Variants in CACNA2D3 observed in about 807,000 individuals in gnomAD.
The protein encoded by CACNA2D3 is voltage-dependent calcium channel subunit alpha-2/delta-3.
A neutral mutation model predicts 160.6 loss-of-function variants in CACNA2D3; 60 were observed. That is an observed-to-expected ratio of 0.37 (90% CI 0.30 to 0.46). CACNA2D3 has a LOEUF of 0.46. Ranked by LOEUF, CACNA2D3 falls within the 20% of genes least tolerant of loss-of-function variation. The probability of loss-of-function intolerance (pLI) is 1.00; values close to 1 mark genes in which losing one functional copy is unlikely to be tolerated. For synonymous variants in CACNA2D3, 558 were observed against 492.9 expected (o/e 1.13, Z -1.75); for missense variants, 1,205 against 1,365.0 (o/e 0.88, Z 1.85).
intron 4 of CACNA2D3, among the ~76,000 whole-genome samples, chr3:54,404,976 A>G (rs1699546307): frequency 6.6e-6 from 1 of 151,122 alleles, no homozygotes; most frequent in Non-Finnish European, 1.5e-5. Flanking sequence ...TGAAGAGTAC[A>G]CTGAAAACTA....
At chr3:54,853,840 C>T (rs1699111270) in intron 17 of CACNA2D3, among the ~76,000 whole-genome samples, 1 of 152,152 alleles carries the variant, frequency 6.6e-6, no homozygotes, top group Non-Finnish European at 1.5e-5. Flanking sequence ...ATCTCAGGAC[C>T]ATGCATTCTG....
At chr3:54,969,865 T>C (rs751357479) in intron 29 of CACNA2D3, 21 bp downstream of exon 29, 2 of 1,609,814 alleles carry the variant, frequency 1.2e-6, no homozygotes, top group Non-Finnish European at 1.7e-6. Flanking sequence ...CTCCTGGTCC[T>C]GTTTCTACCC....
intron 5 of CACNA2D3, among the ~76,000 whole-genome samples, chr3:54,545,794 A>G (rs760392460): frequency 6.6e-6 from 1 of 152,186 alleles, no homozygotes; most frequent in Non-Finnish European, 1.5e-5. Context: ...TTGTGACAAT[A>G]CTGGAAACTT....
intron 13 of CACNA2D3, among the ~76,000 whole-genome samples, chr3:54,815,194 A>T (rs1409417506): frequency 6.6e-6 from 1 of 152,220 alleles, no homozygotes; most frequent in Non-Finnish European, 1.5e-5. Context: ...AGCCATAAGT[A>T]GGAGGAACAA....
chr3:54,967,186 A>G (rs1702174200), intron 27 of CACNA2D3: 1 of 152,236 alleles, frequency 6.6e-6, no homozygotes, highest in Non-Finnish European at 1.5e-5. Flanking sequence ...CTCCCAATGT[A>G]CACACCCAGT....
chr3:54,900,365 G>T (rs1306573053), intron 27 of CACNA2D3, among the ~76,000 whole-genome samples: 1 of 152,194 alleles, frequency 6.6e-6, no homozygotes, highest in Non-Finnish European at 1.5e-5. Context: ...CCAGGGGAAA[G>T]CCAAAATATT....
At chr3:54,602,887 A>G (rs1703089660) in intron 9 of CACNA2D3, among the ~76,000 whole-genome samples, 1 of 151,996 alleles carries the variant, frequency 6.6e-6, no homozygotes, top group Admixed American at 6.6e-5. Context: ...CTTTACTCAC[A>G]CTCCTCACAT....
chr3:54,214,993 A>C (rs552765318), intron 2 of CACNA2D3, among the ~76,000 whole-genome samples: 1 of 152,086 alleles, frequency 6.6e-6, no homozygotes, highest in South Asian at 2.1e-4. Flanking sequence ...GGGTCCTCAG[A>C]TGTGACATCT....
chr3:54,414,279 T>C (rs1410645150), intron 4 of CACNA2D3, among the ~76,000 whole-genome samples: 2 of 152,112 alleles, frequency 1.3e-5, no homozygotes, highest in East Asian at 1.9e-4. Flanking sequence ...ATTTCTGTTA[T>C]AGAATCTTGA....
chr3:55,074,427 G>A lies in CACNA2D3; in HGVS notation c.*221G>A, dbSNP rs2107239170. 1.8e-6 allele frequency: 1 copy of A among 551,018 alleles called. No individual in the cohort carries two copies. The highest frequency in any genetic ancestry group is 3.7e-4 in the Middle Eastern group (1 of 2,684). 34.1% of individuals were successfully genotyped at this position (551,018 alleles called of 1,614,324 possible). A position where few individuals can be genotyped will look rare whatever the true frequency, so the allele number is the denominator to read the frequency against. ...TACTTTGCCAGTCATGCAAATGTGAGTTTGCCACATGATAATCACCCTTCA... is the reference window on the plus strand; with the variant it reads ...TACTTTGCCAGTCATGCAAATGTGAATTTGCCACATGATAATCACCCTTCA... On this transcript the variant is annotated 3_prime_UTR_variant, in exon 38 of 38. Transcript: ENST00000474759.
At chr3:54,280,347 C>T (rs866978165) in intron 2 of CACNA2D3, among the ~76,000 whole-genome samples, 2 of 152,140 alleles carry the variant, frequency 1.3e-5, no homozygotes, top group African/African-American at 4.8e-5. Context: ...TCCCAAAGTG[C>T]TGGGATTACA....
chr3:54,393,078 A>G (rs1385098185), intron 4 of CACNA2D3, among the ~76,000 whole-genome samples: 1 of 152,200 alleles, frequency 6.6e-6, no homozygotes, highest in African/African-American at 2.4e-5. Flanking sequence ...TAGACCACAG[A>G]AGCTCAGGAT....
chr3:54,821,641 G>GTTCTTTCT (rs1181056443), intron 14 of CACNA2D3, among the ~76,000 whole-genome samples: 2,393 of 107,676 alleles, frequency 0.022, 94 homozygotes, highest in East Asian at 0.028. Context: ...AGAGTCTTTC[G>GTTCTTTCT]TTCTTTCTTT....
chr3:54,950,779 C>A (rs565051835), intron 27 of CACNA2D3, among the ~76,000 whole-genome samples: 1 of 152,166 alleles, frequency 6.6e-6, no homozygotes, highest in East Asian at 1.9e-4. Context: ...GCACCTTGAT[C>A]GGGGCCAAAA....
rs555748213 is a variant in CACNA2D3, at chr3:54,236,999, C to A, written c.205-83443C>A. Among the ~76,000 whole-genome samples, 4 of 149,830 alleles carry A rather than the reference C, an allele frequency of 2.7e-5. No homozygotes were observed. The South Asian group carries it at 8.6e-4, about 32-fold the overall frequency. The stretch of plus-strand genomic sequence containing the variant: ...CCTAAAGGGCAGCTGTTGTTGTTGC[C>A]TGAAACTTCTTTTTTTTTTTTTTTA... On this transcript the variant is annotated intron_variant, in intron 2 of 37. Transcript: ENST00000474759.
At chr3:54,355,902 A>T (rs1313072489) in intron 3 of CACNA2D3, among the ~76,000 whole-genome samples, 1 of 152,184 alleles carries the variant, frequency 6.6e-6, no homozygotes, top group Non-Finnish European at 1.5e-5. Context: ...TGTGTAGCCA[A>T]GCTCTTCACT....
At chr3:54,288,319 C>T (rs921576458) in intron 2 of CACNA2D3, among the ~76,000 whole-genome samples, 1 of 152,136 alleles carries the variant, frequency 6.6e-6, no homozygotes, top group African/African-American at 2.4e-5. Flanking sequence ...ACTAGAAAAT[C>T]TAGAAGAAAT....
intron 27 of CACNA2D3, among the ~76,000 whole-genome samples, chr3:54,926,238 CT>C (rs1701013483): frequency 6.6e-6 from 1 of 152,088 alleles, no homozygotes; most frequent in East Asian, 1.9e-4. Context: ...ATTCTAAGTG[CT>C]TTATAAATAT....
chr3:54,354,882 C>G (rs889403748), intron 3 of CACNA2D3, among the ~76,000 whole-genome samples: 1 of 152,156 alleles, frequency 6.6e-6, no homozygotes. Flanking sequence ...ATCATAAAAA[C>G]AAAAATCTTT....
Sources: allele counts gnomAD v4.1 joint callset (sites outside exome capture counted in the v4.1 genomes callset), GRCh38; gene constraint gnomAD v4.1.1; transcripts MANE v1.5; gene names NCBI Gene and HGNC (gene_info 2026-07-23, HGNC 2026-07-21).